Variants in MYOM1 observed in about 807,000 individuals in gnomAD.
MYOM1 encodes the protein myomesin 1, also known as myomesin-1.
Under a neutral mutation model 205.3 loss-of-function variants are expected in MYOM1, and 164 were observed. The observed-to-expected ratio is 0.80, with a 90% CI of 0.70 to 0.91. The LOEUF (loss-of-function observed/expected upper bound fraction) is 0.91. Ranked by LOEUF, MYOM1 falls within the 40% of genes least tolerant of loss-of-function variation. MYOM1 has a pLI of 0.00. For missense variants in MYOM1, 2,011 were observed against 2,127.3 expected, an observed-to-expected ratio of 0.95 and a Z score of 1.08; for synonymous variants, 772 against 789.4, an observed-to-expected ratio of 0.98 and a Z score of 0.37.
chr18:3,084,120 T>C, intron 31 of MYOM1, 93 bp from the exon 32 acceptor site: 1 of 1,336,594 alleles, frequency 7.5e-7, no homozygotes, highest in Non-Finnish European at 1.0e-6. Flanking sequence ...ATTCCCTTTC[T>C]GGTTGAAAGG....
upstream of MYOM1, among the ~76,000 whole-genome samples, chr18:3,222,275 A>T (rs982115503): frequency 5.9e-5 from 9 of 152,226 alleles, no homozygotes; most frequent in African/African-American, 2.2e-4. Context: ...ACATCACCAT[A>T]TGTAATTTAT....
chr18:3,090,802 T>G lies in MYOM1; in HGVS notation c.3865A>C (p.Lys1289Gln). The change falls in exon 27 of 38, where the codon AAA becomes CAA. Residue 1289 changes from lysine (K) to glutamine (Q), a missense_variant and splice_region_variant. Physicochemically the swap from Lys to Gln is moderately conservative, Grantham distance 53. Coordinates refer to ENST00000356443, the MANE Select transcript of MYOM1 (RefSeq NM_003803.4). ...FNEKEIFEGPKYKMHIDRNTG... is the reference protein window; with the variant it reads ...FNEKEIFEGPQYKMHIDRNTG... ...TTTCGGTCAATATGCATTTTATATT[T>G]CTTCAGTGTGAAAAGAAAATGACAG... is the stretch of plus-strand genomic sequence containing the variant. The G allele has an allele frequency of 6.2e-7, 1 of 1,613,856 alleles. No individual in the cohort carries two copies. Among genetic ancestry groups the G allele is most frequent in the Non-Finnish European group, 8.5e-7 (1 of 1,179,812 alleles).
At position 3,139,488 on chromosome 18, in the gene MYOM1, G is replaced by A. The variant is rs2080019101; in HGVS notation, c.2025+2451C>T. Among the ~76,000 whole-genome samples the A allele has an allele frequency of 1.3e-5, 2 of 152,192 alleles. 1 individual carries two copies. Among genetic ancestry groups the A allele is most frequent in the South Asian group, 4.1e-4 (2 of 4,820 alleles). ...GTGAAGAAGAACAAGCACAGCGGTGGCCCAAGAGGCAGCATGCTGGGTGCA... is the reference window on the plus strand; with the variant it reads ...GTGAAGAAGAACAAGCACAGCGGTGACCCAAGAGGCAGCATGCTGGGTGCA... On this transcript the variant is annotated intron_variant, in intron 14 of 37. Transcript: ENST00000356443.
rs2079946463 is a variant in MYOM1 at position 3,135,651 on chromosome 18, A to G, written c.2105T>C (p.Leu702Ser). 6.2e-7 allele frequency: 1 copy of G among 1,613,978 alleles called. No individual in the cohort carries two copies. Among genetic ancestry groups the G allele is most frequent in the Non-Finnish European group, 8.5e-7 (1 of 1,179,886 alleles). Residue 702 changes from leucine (L) to serine (S), a missense_variant, in exon 15 of 38, where the codon TTG becomes TCG. Coordinates refer to ENST00000356443, the MANE Select transcript of MYOM1 (RefSeq NM_003803.4). The surrounding 1 kb of genome is among the most constrained non-coding windows in gnomAD (Gnocchi z 4.1). ...VKSPRFALFD[L>S]AEGKSYCFRV... ...GAAACAGTAGGATTTCCCCTCGGCC[A>G]AGTCAAACAGAGCAAAGCGGGGAGA...
At chr18:3,231,615 C>T in the MYOM1 span, among the ~76,000 whole-genome samples, 1 of 147,366 alleles carries the variant, frequency 6.8e-6, no homozygotes, top group East Asian at 2.0e-4. Context: ...TCTTGGCTCG[C>T]TACAACCTCT....
the MYOM1 span, among the ~76,000 whole-genome samples, chr18:3,237,459 C>T: frequency 5.9e-5 from 9 of 151,498 alleles, no homozygotes; most frequent in African/African-American, 1.5e-4. Flanking sequence ...ATTAGCCGGG[C>T]GTGGTGGCGG....
intron 2 of MYOM1, among the ~76,000 whole-genome samples, chr18:3,199,314 C>T (rs2081035306): frequency 6.6e-6 from 1 of 152,116 alleles, no homozygotes; most frequent in Non-Finnish European, 1.5e-5. Flanking sequence ...CCTGAGGTTA[C>T]AGTCAGGCTT....
chr18:3,210,329 A>G (rs1484698542), intron 2 of MYOM1, among the ~76,000 whole-genome samples: 1 of 152,176 alleles, frequency 6.6e-6, no homozygotes, highest in African/African-American at 2.4e-5. Context: ...TGTGGTCTTC[A>G]CCAACTCTAG....
intron 22 of MYOM1, among the ~76,000 whole-genome samples, chr18:3,103,693 G>T (rs2143767999): frequency 6.6e-6 from 1 of 152,246 alleles, no homozygotes. Context: ...TGTCTGGATT[G>T]TATTACAAGA....
At chr18:3,226,061 A>G in the MYOM1 span, among the ~76,000 whole-genome samples, 3 of 152,250 alleles carry the variant, frequency 2.0e-5, no homozygotes, top group African/African-American at 7.2e-5. The surrounding 1 kb of genome is among the most constrained non-coding windows in gnomAD (Gnocchi z 4.6). Flanking sequence ...GGCATTCGCA[A>G]CTAGAACTAG....
chr18:3,123,676 ATTT>A (rs1356723349), intron 19 of MYOM1, among the ~76,000 whole-genome samples: 1 of 140,324 alleles, frequency 7.1e-6, no homozygotes, highest in Non-Finnish European at 1.6e-5. Flanking sequence ...TATTATTACT[ATTT>A]TTTTTTTTTT....
intron 2 of MYOM1, among the ~76,000 whole-genome samples, chr18:3,206,334 C>G (rs571532406): frequency 6.6e-6 from 1 of 152,296 alleles, no homozygotes; most frequent in Admixed American, 6.5e-5. Flanking sequence ...ATGCGAAATG[C>G]TCAGCCGTTT....
At chr18:3,204,054 G>A (rs2081101143) in intron 2 of MYOM1, among the ~76,000 whole-genome samples, 2 of 151,846 alleles carry the variant, frequency 1.3e-5, no homozygotes, top group African/African-American at 2.4e-5. Context: ...ACAAAAGTCA[G>A]CATTCTTATT....
chr18:3,167,247 G>A (rs35797027), intron 9 of MYOM1, among the ~76,000 whole-genome samples: 15,427 of 152,162 alleles, frequency 0.1, 1,728 homozygotes, highest in African/African-American at 0.28. Flanking sequence ...CCGTGGCAAG[G>A]ATTTGACTGT....
chr18:3,089,143 A>T (rs2079190232), intron 29 of MYOM1, 31 bp downstream of exon 29: 3 of 1,512,158 alleles, frequency 2.0e-6, no homozygotes, highest in Non-Finnish European at 2.7e-6. Flanking sequence ...TTTCCCTTGA[A>T]TCAAATATTA....
upstream of MYOM1, among the ~76,000 whole-genome samples, chr18:3,224,661 C>CATTATT (rs151301855): frequency 3.3e-5 from 5 of 151,870 alleles, no homozygotes; most frequent in Admixed American, 1.3e-4. Context: ...ATGGAATTAT[C>CATTATT]ATTATTATTA....
intron 19 of MYOM1, 131 bp from the exon 20 acceptor site, chr18:3,120,126 C>T: frequency 1.7e-6 from 2 of 1,210,760 alleles, no homozygotes; most frequent in Admixed American, 2.8e-5. Flanking sequence ...AGTCACACCC[C>T]TTTTGTAATC....
At chr18:3,078,858 G>T (rs1003821146) in intron 34 of MYOM1, among the ~76,000 whole-genome samples, 8 of 151,882 alleles carry the variant, frequency 5.3e-5, no homozygotes, top group Admixed American at 4.6e-4. Flanking sequence ...TTTTTATAGA[G>T]ATGGGGTTTC....
rs948298 is a variant in MYOM1, at chr18:3,089,524, G to A, written c.4069+13C>T. Reference sequence around the variant, plus strand: ...AATTAAAAATTTTCTCTTTATCCACGGCCTATTTTTACCTTGTTTCCTGAT... The same window carrying A: ...AATTAAAAATTTTCTCTTTATCCACAGCCTATTTTTACCTTGTTTCCTGAT... On this transcript the variant is annotated intron_variant, in intron 28 of 37. Transcript: ENST00000356443. 2.6e-5 allele frequency: 42 copies of A among 1,597,362 alleles called. No individual in the cohort carries two copies. Among genetic ancestry groups the A allele is most frequent in the Non-Finnish European group, 3.4e-5 (40 of 1,171,938 alleles).
Sources: allele counts gnomAD v4.1 joint callset (sites outside exome capture counted in the v4.1 genomes callset), GRCh38; gene constraint gnomAD v4.1.1; non-coding constraint Gnocchi (gnomAD v3.1); transcripts MANE v1.5; gene names NCBI Gene and HGNC (gene_info 2026-07-23, HGNC 2026-07-21).